The following GPRC5B variants were observed in gnomAD, a reference collection of about 807,000 sequenced individuals.
GPRC5B encodes the protein G protein-coupled receptor class C group 5 member B, also known as G protein-coupled receptor family C group 5 member B.
Under a neutral mutation model 30.1 loss-of-function variants are expected in GPRC5B, and 16 were observed. The ratio of observed to expected loss-of-function variants is 0.53; its 90% CI spans 0.36 to 0.81. The LOEUF (loss-of-function observed/expected upper bound fraction) is 0.81. Ranked by LOEUF, GPRC5B falls within the 30% of genes least tolerant of loss-of-function variation. GPRC5B has a pLI of 0.01. For synonymous variants in GPRC5B, 241 were observed against 239.5 expected (o/e 1.01, Z -0.06); for missense variants, 428 against 544.7 (o/e 0.79, Z 2.13).
intron 3 of GPRC5B, among the ~76,000 whole-genome samples, chr16:19,861,087 T>TTAAAAAAAAAAAAAAAAAA (rs569493402): frequency 2.9e-4 from 27 of 93,368 alleles, no homozygotes; most frequent in East Asian, 1.2e-3. Context: ...CTGATTTACA[T>TTAAAAAAAAAAAAAAAAAA]AAAAAAAAAA....
intron 2 of GPRC5B, among the ~76,000 whole-genome samples, chr16:19,863,018 A>T (rs2141138587): frequency 1.3e-5 from 2 of 152,344 alleles, no homozygotes; most frequent in South Asian, 2.1e-4. Flanking sequence ...GGCAGGGACC[A>T]AAATCACCTT....
chr16:19,879,270 C>A (rs142909811), intron 1 of GPRC5B, among the ~76,000 whole-genome samples: 2 of 152,248 alleles, frequency 1.3e-5, no homozygotes, highest in East Asian at 1.9e-4. Context: ...GGGATGCAGG[C>A]GTGCGCTTCT....
chr16:19,858,335 G>C lies in GPRC5B; in HGVS notation c.*2165C>G, dbSNP rs1051399992. The C allele has an allele frequency of 4.5e-6, 2 of 442,262 alleles. No individual in the cohort carries two copies. The highest frequency in any genetic ancestry group is 8.0e-6 in the Non-Finnish European group (2 of 249,956). 27.4% of individuals were successfully genotyped at this position (442,262 alleles called of 1,614,324 possible). On this transcript the variant is annotated 3_prime_UTR_variant, in exon 4 of 4. Transcript: ENST00000300571. ...ATCAGATTTAAAAGGGGGGAAAAAG[G>C]TCTCATTAAATGAGGCTTCCCATGG...
chr16:19,882,246 C>T (rs2056813389), intron 1 of GPRC5B: 1 of 152,166 alleles, frequency 6.6e-6, no homozygotes, highest in Admixed American at 6.6e-5. Context: ...GGTTAGTAAA[C>T]AGGGTTGCAA....
rs145915102 is a variant in GPRC5B at position 19,881,099 on chromosome 16, G to A, written c.-2+3628C>T. On this transcript the variant is annotated intron_variant, in intron 1 of 3. Coordinates refer to ENST00000300571, the MANE Select transcript of GPRC5B (RefSeq NM_016235.3). ...GTGCCCAGTACCCACATGAATACGG[G>A]TACACAGTTCACTCTCCCATCAGGC... 5.3e-3 allele frequency: 801 copies of A among 152,348 alleles called. 6 individuals are homozygous for A. Among genetic ancestry groups the A allele is most frequent in the Middle Eastern group, 0.01 (3 of 296 alleles). 9.4% of individuals were successfully genotyped at this position (152,348 alleles called of 1,614,324 possible).
At position 19,871,963 on chromosome 16, in the gene GPRC5B, T is replaced by A; in HGVS notation, c.883A>T (p.Thr295Ser). Residue 295 changes from threonine (T) to serine (S), a missense_variant, in exon 2 of 4, where the codon ACC becomes TCC. Thr to Ser is a moderately conservative substitution (Grantham distance 58). Coordinates refer to ENST00000300571, the MANE Select transcript of GPRC5B (RefSeq NM_016235.3). ...TTCTCCTGCAGGGCTGGCAGAAGGG[T>A]GCAGTGGATCTCAGGGATGGCGTGG... is the stretch of plus-strand genomic sequence containing the variant. Reference protein sequence around the residue: ...IFHAIPEIHCTLLPALQENTP... With the variant: ...IFHAIPEIHCSLLPALQENTP... 1 of 1,613,910 alleles carries A rather than the reference T, an allele frequency of 6.2e-7. No homozygotes were observed. The highest frequency in any genetic ancestry group is 8.5e-7 in the Non-Finnish European group (1 of 1,179,984).
intron 1 of GPRC5B, among the ~76,000 whole-genome samples, chr16:19,881,373 C>T (rs2056805655): frequency 6.6e-6 from 1 of 151,728 alleles, no homozygotes; most frequent in African/African-American, 2.4e-5. Flanking sequence ...TCAAGACCAG[C>T]CTGGGCAACG....
Position 19,861,159 on chromosome 16 carries a change from C to A in GPRC5B, c.1168-615G>T, listed in dbSNP as rs985335586. ...GGAACATGATATAAAGAATGGAAACCCAATTTACACATGTAAACTGGCTCA... is the reference window on the plus strand; with the variant it reads ...GGAACATGATATAAAGAATGGAAACACAATTTACACATGTAAACTGGCTCA... On this transcript the variant is annotated intron_variant, in intron 3 of 3. Coordinates refer to ENST00000300571, the MANE Select transcript of GPRC5B (RefSeq NM_016235.3). Among the ~76,000 whole-genome samples, 118 of 148,430 alleles carry A rather than the reference C, an allele frequency of 7.9e-4. 1 individual carries two copies. Among genetic ancestry groups the A allele is most frequent in the Admixed American group, 8.7e-4 (13 of 14,932 alleles).
At position 19,857,293 on chromosome 16, in the gene GPRC5B, C is replaced by G; in HGVS notation, c.*3207G>C. On this transcript the variant is annotated 3_prime_UTR_variant, in exon 4 of 4. Transcript: ENST00000300571. The stretch of plus-strand genomic sequence containing the variant: ...GTTGTTTTGACAAGCTACCACACGT[C>G]TTAAGTAAATAGTAAAGCCTTTATT... 1 of 352,020 alleles carries G rather than the reference C, an allele frequency of 2.8e-6. No homozygotes were observed. The highest frequency in any genetic ancestry group is 2.3e-5 in the South Asian group (1 of 44,336). The allele number at this position is 352,020 out of a possible 1,614,324, so 21.8% of individuals were successfully genotyped here.
intron 1 of GPRC5B, among the ~76,000 whole-genome samples, chr16:19,884,269 C>T (rs1282213811): frequency 6.6e-6 from 1 of 150,892 alleles, no homozygotes; most frequent in Admixed American, 6.6e-5. Flanking sequence ...CTGTTCACCC[C>T]CAAAGTCCAG....
upstream of GPRC5B, chr16:19,885,162 A>G (rs1408483424): frequency 8.0e-7 from 1 of 1,247,498 alleles, no homozygotes; most frequent in South Asian, 1.2e-5. This position sits in a 1 kb window ranked among gnomAD's most constrained non-coding sequence, Gnocchi z 5.3. Context: ...TCCCCAGGGT[A>G]GATCCATTTG....
At position 19,872,483 on chromosome 16, in the gene GPRC5B, G is replaced by C; in HGVS notation, c.363C>G (p.Ile121Met). Residue 121 changes from isoleucine to methionine, a missense_variant, in exon 2 of 4, where the codon ATC becomes ATG. Transcript: ENST00000300571. This position sits in a 1 kb window ranked among gnomAD's most constrained non-coding sequence, Gnocchi z 5.0. ...FAFIIQEDETICSVRRFLWGV... is the reference protein window; with the variant it reads ...FAFIIQEDETMCSVRRFLWGV... ...CCCAGAGGAAGCGGCGGACAGAGCA[G>C]ATGGTCTCGTCCTCCTGGATGATGA... 6.2e-7 allele frequency: 1 copy of C among 1,613,922 alleles called. No individual in the cohort carries two copies. Among genetic ancestry groups the C allele is most frequent in the South Asian group, 1.1e-5 (1 of 91,068 alleles).
At position 19,872,426 on chromosome 16, in the gene GPRC5B, C is replaced by A; in HGVS notation, c.420G>T (p.Leu140=). The part of the protein sequence containing the change: ...GVLFALCFSC[L]LSQAWRVRRL... Reference sequence around the variant, plus strand: ...TCCGCACGCGCCATGCCTGGCTCAGCAGGCAGGAGAAGCAGAGCGCAAAGA... The same window carrying A: ...TCCGCACGCGCCATGCCTGGCTCAGAAGGCAGGAGAAGCAGAGCGCAAAGA... The change falls in exon 2 of 4, where the codon CTG becomes CTT. Residue 140 remains leucine (L), a synonymous_variant. Coordinates refer to ENST00000300571, the MANE Select transcript of GPRC5B (RefSeq NM_016235.3). This position sits in a 1 kb window ranked among gnomAD's most constrained non-coding sequence, Gnocchi z 5.0. 6.2e-7 allele frequency: 1 copy of A among 1,613,842 alleles called. No individual in the cohort carries two copies. Among genetic ancestry groups the A allele is most frequent in the East Asian group, 2.2e-5 (1 of 44,868 alleles).
chr16:19,871,603 CA>C (rs1404283507), intron 2 of GPRC5B, among the ~76,000 whole-genome samples: 1 of 152,190 alleles, frequency 6.6e-6, no homozygotes, highest in Non-Finnish European at 1.5e-5. Flanking sequence ...GCCTGGGTGA[CA>C]AGAGCGAAAA....
At position 19,872,031 on chromosome 16, in the gene GPRC5B, A is replaced by G; in HGVS notation, c.815T>C (p.Leu272Ser). The G allele has an allele frequency of 6.2e-7, 1 of 1,614,034 alleles. No individual in the cohort carries two copies. The highest frequency in any genetic ancestry group is 1.1e-5 in the South Asian group (1 of 91,076). ...GCCGCTGGCCGCCAGCGTGATGGCC[A>G]AGGTGGGGTCGTTCCAGGCATCCCC... ...QQGDAWNDPTLAITLAASGWV... is the reference protein window; with the variant it reads ...QQGDAWNDPTSAITLAASGWV... Residue 272 changes from leucine (L) to serine (S), a missense_variant, in exon 2 of 4, where the codon TTG becomes TCG. By Grantham distance (145) the Leu-to-Ser change is moderately radical (BLOSUM62 -2). Around this residue, in one of 3 missense-constraint regions of GPRC5B, gnomAD observed 213 missense variants for 229.1 expected, o/e 0.93. Transcript: ENST00000300571. The surrounding 1 kb of genome is among the most constrained non-coding windows in gnomAD (Gnocchi z 5.0).
chr16:19,878,965 G>A (rs1248775852), intron 1 of GPRC5B, among the ~76,000 whole-genome samples: 6 of 152,170 alleles, frequency 3.9e-5, no homozygotes, highest in Non-Finnish European at 8.8e-5. Flanking sequence ...CGATGTGGGG[G>A]TGTACTGAGG....
In GPRC5B at chr16:19,858,559, G is replaced by A; in HGVS notation, c.*1941C>T. On this transcript the variant is annotated 3_prime_UTR_variant, in exon 4 of 4. Transcript: ENST00000300571. ...AGTAACCATTTCCTGGCACGAGAAT[G>A]TGTAATGCTGTCGTTTTTTCACCGG... The A allele has an allele frequency of 1.5e-6, 1 of 684,884 alleles. No homozygotes were observed. Among genetic ancestry groups the A allele is most frequent in the East Asian group, 2.7e-5 (1 of 36,670 alleles). The allele number at this position is 684,884 out of a possible 1,614,324, so 42.4% of individuals were successfully genotyped here. A position where few individuals can be genotyped will look rare whatever the true frequency, so the allele number is the denominator to read the frequency against.
At position 19,872,238 on chromosome 16, in the gene GPRC5B, G is replaced by A; in HGVS notation, c.608C>T (p.Ala203Val). The A allele has an allele frequency of 6.2e-7, 1 of 1,614,166 alleles. No homozygotes were observed. Among genetic ancestry groups the A allele is most frequent in the African/African-American group, 1.3e-5 (1 of 75,044 alleles). ...AAGCAGTACCATGTCGTAGATGAGG[G>A]CCATCACAAAGTCCATGGGCTCGTA... Reference protein sequence around the residue: ...CAYEPMDFVMALIYDMVLLVV... With the variant: ...CAYEPMDFVMVLIYDMVLLVV... Residue 203 changes from alanine to valine, a missense_variant, in exon 2 of 4, where the codon GCC (alanine) becomes GTC (valine). Physicochemically the swap from Ala to Val is moderately conservative, Grantham distance 64 (BLOSUM62 0). Transcript: ENST00000300571. This position sits in a 1 kb window ranked among gnomAD's most constrained non-coding sequence, Gnocchi z 5.0.
At chr16:19,869,939 G>T (rs537910833) in intron 2 of GPRC5B, among the ~76,000 whole-genome samples, 3 of 152,010 alleles carry the variant, frequency 2.0e-5, no homozygotes, top group Non-Finnish European at 4.4e-5. Context: ...ACTGGGTGTG[G>T]TGGTGTGTGC....
Sources: gnomAD v4.1 joint callset for allele counts (sites outside exome capture counted in the v4.1 genomes callset) on GRCh38, gnomAD v4.1.1 for gene constraint, gnomAD v4.1.1 regional missense constraint, Gnocchi (gnomAD v3.1) non-coding constraint, MANE v1.5 for transcripts, NCBI Gene and HGNC (gene_info 2026-07-23, HGNC 2026-07-21) for gene names.